The following GAS7 variants were observed in gnomAD, a reference collection of about 807,000 sequenced individuals.
The protein encoded by GAS7 is growth arrest specific 7.
A neutral mutation model predicts 71.1 loss-of-function variants in GAS7; 28 were observed. That is an observed-to-expected ratio of 0.39 (90% CI 0.29 to 0.54). GAS7 has a LOEUF of 0.54. Among genes scored for constraint, GAS7 ranks in the 20% least tolerant of loss-of-function variants. The pLI is 0.62. For synonymous variants in GAS7, 258 were observed against 245.8 expected, an observed-to-expected ratio of 1.05 and a Z score of -0.46; for missense variants, 436 against 627.8, an observed-to-expected ratio of 0.69 and a Z score of 3.27.
chr17:9,950,855 CAA>C (rs537877970), intron 5 of GAS7, among the ~76,000 whole-genome samples: 2 of 139,374 alleles, frequency 1.4e-5, no homozygotes. Context: ...GACTGTGTCT[CAA>C]AAAAAAAAAA....
intron 1 of GAS7, among the ~76,000 whole-genome samples, chr17:10,074,003 G>A (rs16959280): frequency 0.089 from 13,577 of 152,204 alleles, 861 homozygotes; most frequent in East Asian, 0.21. Flanking sequence ...TATGTCAGGC[G>A]CTGAGAATAT....
In GAS7 at chr17:10,080,071, T is replaced by C. The variant is rs559246393; in HGVS notation, c.184-60174A>G. 4.6e-5 allele frequency among the ~76,000 whole-genome samples: 7 copies of C among 152,122 alleles called. No homozygotes were observed. In the South Asian group the frequency reaches 1.5e-3, roughly 32 times the overall value. On this transcript the variant is annotated intron_variant, in intron 1 of 13. Transcript: ENST00000432992. Reference sequence around the variant, plus strand: ...AGATTTGGCATTCTAAGTCACAGGATGAGATAGGAGGTGGCCACAAGATAC... The same window carrying C: ...AGATTTGGCATTCTAAGTCACAGGACGAGATAGGAGGTGGCCACAAGATAC...
intron 1 of GAS7, among the ~76,000 whole-genome samples, chr17:10,142,215 C>CAA (rs11435397): frequency 0.038 from 5,266 of 140,290 alleles, 140 homozygotes; most frequent in African/African-American, 0.071. Flanking sequence ...GACTCTGTCT[C>CAA]AAAAAAAAAA....
intron 1 of GAS7, among the ~76,000 whole-genome samples, chr17:10,160,617 A>G (rs1369604868): frequency 6.6e-6 from 1 of 152,156 alleles, no homozygotes; most frequent in Non-Finnish European, 1.5e-5. Context: ...GCCTGGGCTC[A>G]CCCTTGCCAC....
intron 1 of GAS7, among the ~76,000 whole-genome samples, chr17:10,072,981 T>C (rs923960796): frequency 1.4e-4 from 22 of 152,016 alleles, no homozygotes; most frequent in African/African-American, 4.6e-4. Flanking sequence ...TGGAGCAAAG[T>C]GGTCTATGTC....
chr17:9,931,785 C>G (rs1041067510), intron 9 of GAS7, among the ~76,000 whole-genome samples: 1 of 152,170 alleles, frequency 6.6e-6, no homozygotes, highest in Non-Finnish European at 1.5e-5. Flanking sequence ...AATCTTGGGG[C>G]ACACTAAGCC....
chr17:9,930,882 C>T (rs1320210825), intron 9 of GAS7, among the ~76,000 whole-genome samples: 4 of 152,250 alleles, frequency 2.6e-5, no homozygotes, highest in Admixed American at 1.3e-4. Context: ...AGGCTGGAAG[C>T]AGCCGAGAGC....
intron 1 of GAS7, among the ~76,000 whole-genome samples, chr17:10,177,158 C>T (rs1458824511): frequency 1.3e-5 from 2 of 152,188 alleles, no homozygotes; most frequent in East Asian, 1.9e-4. Context: ...GAAGAAAGGA[C>T]TCTGCCTGGG....
chr17:10,120,146 C>T (rs1476013873), intron 1 of GAS7, among the ~76,000 whole-genome samples: 1 of 151,524 alleles, frequency 6.6e-6, no homozygotes. Context: ...TGGACCCGCC[C>T]ATCTCTTCCC....
intron 1 of GAS7, among the ~76,000 whole-genome samples, chr17:10,141,950 C>T (rs945456354): frequency 3.3e-5 from 5 of 150,250 alleles, no homozygotes; most frequent in African/African-American, 1.2e-4. Context: ...CATAGTAGGC[C>T]GGGCGCAATG....
chr17:9,930,048 T>C (rs1266311922), intron 9 of GAS7, among the ~76,000 whole-genome samples: 3 of 152,222 alleles, frequency 2.0e-5, no homozygotes, highest in African/African-American at 7.2e-5. Context: ...CTGTCTAGTC[T>C]GATATTTTTC....
At position 10,026,835 on chromosome 17, in the gene GAS7, G is replaced by A. The variant is rs2072475929; in HGVS notation, c.184-6938C>T. 1.3e-5 allele frequency among the ~76,000 whole-genome samples: 2 copies of A among 152,212 alleles called. No homozygotes were observed. Among genetic ancestry groups the A allele is most frequent in the Admixed American group, 1.3e-4 (2 of 15,286 alleles). ...GGGTTAAGACACAAATCATGCAACA[G>A]TGACATCACCAGCCCCAGAGTCTGT... On this transcript the variant is annotated intron_variant, in intron 1 of 13. Transcript: ENST00000432992. This position sits in a 1 kb window ranked among gnomAD's most constrained non-coding sequence, Gnocchi z 4.5.
Position 9,926,854 on chromosome 17 carries a change from C to T in GAS7, c.886-85G>A, listed in dbSNP as rs56199323. The stretch of plus-strand genomic sequence containing the variant: ...GGGAGGAGGGATGGGAGGGGCACCC[C>T]CACTTCCCCAGGCAAGTGAGGATGA... On this transcript the variant is annotated intron_variant, in intron 9 of 13. Coordinates refer to ENST00000432992, the MANE Select transcript of GAS7 (RefSeq NM_201433.2). This position sits in a 1 kb window ranked among gnomAD's most constrained non-coding sequence, Gnocchi z 5.0. 0.4 allele frequency: 574,314 copies of T among 1,438,360 alleles called. 118,584 individuals carry two copies. Among genetic ancestry groups the T allele is most frequent in the Non-Finnish European group, 0.43 (438,977 of 1,024,276 alleles). 89.1% of individuals were successfully genotyped at this position (1,438,360 alleles called of 1,614,324 possible). A position where few individuals can be genotyped will look rare whatever the true frequency, so the allele number is the denominator to read the frequency against.
intron 1 of GAS7, among the ~76,000 whole-genome samples, chr17:10,152,418 T>C (rs767215480): frequency 1.4e-4 from 22 of 152,332 alleles, no homozygotes; most frequent in Non-Finnish European, 2.9e-4. Flanking sequence ...CTTGACTTTG[T>C]AAAGCATCAC....
At chr17:10,009,544 T>C (rs80104269) in intron 2 of GAS7, among the ~76,000 whole-genome samples, 1,640 of 151,864 alleles carry the variant, frequency 0.011, 13 homozygotes, top group Middle Eastern at 0.041. Flanking sequence ...TCTATAAATC[T>C]ATAGAGCTTA....
At chr17:10,078,035 A>T (rs2073413941) in intron 1 of GAS7, among the ~76,000 whole-genome samples, 1 of 149,194 alleles carries the variant, frequency 6.7e-6, no homozygotes, top group Non-Finnish European at 1.5e-5. Flanking sequence ...TACATGCGGA[A>T]GTTTGTTGTT....
chr17:10,037,962 C>G (rs1024157057), intron 1 of GAS7, among the ~76,000 whole-genome samples: 1 of 151,958 alleles, frequency 6.6e-6, no homozygotes, highest in African/African-American at 2.4e-5. Flanking sequence ...GACCAATAAG[C>G]ACATTTAAAG....
intron 3 of GAS7, among the ~76,000 whole-genome samples, chr17:9,976,820 G>T (rs1029273867): frequency 1.2e-4 from 19 of 152,118 alleles, no homozygotes; most frequent in African/African-American, 4.6e-4. Context: ...TTATCCTTAA[G>T]AAAAACACGT....
Position 9,969,739 on chromosome 17 carries a change from T to C in GAS7, c.409A>G (p.Thr137Ala). Residue 137 changes from threonine to alanine, a missense_variant, in exon 4 of 14, where the codon ACC becomes GCC. Thr to Ala is a moderately conservative substitution (Grantham distance 58). Transcript: ENST00000432992. This position sits in a 1 kb window ranked among gnomAD's most constrained non-coding sequence, Gnocchi z 5.5. The part of the protein sequence containing the change: ...PTVNGYHASG[T>A]PAHPPETAHM... ...GCAGTCTCTGGAGGGTGCGCTGGGG[T>C]CCCTGATGCGTGGTATCCATTCACT... The C allele has an allele frequency of 1.9e-6, 3 of 1,611,108 alleles. No homozygotes were observed. The highest frequency in any genetic ancestry group is 2.5e-6 in the Non-Finnish European group (3 of 1,177,442).
Sources: gnomAD v4.1 joint callset for allele counts (sites outside exome capture counted in the v4.1 genomes callset) on GRCh38, gnomAD v4.1.1 for gene constraint, Gnocchi (gnomAD v3.1) non-coding constraint, MANE v1.5 for transcripts, NCBI Gene and HGNC (gene_info 2026-07-23, HGNC 2026-07-21) for gene names.